Variants in DLG2 observed in about 807,000 individuals in gnomAD.
The protein encoded by DLG2 is discs large MAGUK scaffold protein 2, also known as disks large homolog 2.
DLG2 carries 45 observed loss-of-function variants against 132.5 expected under a neutral mutation model. The ratio of observed to expected loss-of-function variants is 0.34; its 90% CI spans 0.27 to 0.44. DLG2 has a LOEUF of 0.44. DLG2 is among the 20% of genes least tolerant of loss of function. The probability of loss-of-function intolerance (pLI) is 1.00; values close to 1 mark genes in which losing one functional copy is unlikely to be tolerated. For synonymous variants in DLG2, 424 were observed against 419.6 expected (o/e 1.01, Z -0.13); for missense variants, 1,045 against 1,196.9 (o/e 0.87, Z 1.87).
At chr11:84,600,087 A>G (rs563960280) in intron 6 of DLG2, among the ~76,000 whole-genome samples, 1 of 96,490 alleles carries the variant, frequency 1.0e-5, no homozygotes, top group African/African-American at 4.1e-5. Context: ...TGACACCTTG[A>G]AAAAAAAAAA....
At chr11:84,020,862 C>A (rs1309622741) in intron 11 of DLG2, among the ~76,000 whole-genome samples, 2 of 152,088 alleles carry the variant, frequency 1.3e-5, no homozygotes, top group African/African-American at 4.8e-5. Context: ...TTTTCAAAGC[C>A]TTAAAGTGCT....
intron 10 of DLG2, among the ~76,000 whole-genome samples, chr11:84,086,571 C>A (rs35275366): frequency 0.035 from 5,218 of 151,228 alleles, 137 homozygotes; most frequent in Non-Finnish European, 0.055. Context: ...CTCACTGCAG[C>A]CTTAACCTCC....
At chr11:85,442,501 T>A (rs972444246) in intron 3 of DLG2, among the ~76,000 whole-genome samples, 22 of 152,128 alleles carry the variant, frequency 1.4e-4, no homozygotes, top group African/African-American at 5.3e-4. Context: ...GAAACCTCGG[T>A]ATATGGTGGT....
At chr11:83,824,486 GA>G (rs1487295161) in intron 17 of DLG2, among the ~76,000 whole-genome samples, 1 of 152,058 alleles carries the variant, frequency 6.6e-6, no homozygotes, top group Non-Finnish European at 1.5e-5. Context: ...ATTTTAAGGT[GA>G]AAATTTACTT....
intron 6 of DLG2, among the ~76,000 whole-genome samples, chr11:85,026,918 A>G (rs893942493): frequency 1.3e-5 from 2 of 152,172 alleles, no homozygotes; most frequent in African/African-American, 4.8e-5. Context: ...AATTTGTTTT[A>G]CTGAAATATT....
intron 3 of DLG2, among the ~76,000 whole-genome samples, chr11:85,380,750 T>C (rs997192820): frequency 2.0e-5 from 3 of 152,200 alleles, no homozygotes; most frequent in Non-Finnish European, 4.4e-5. Flanking sequence ...AAATTGGATT[T>C]GCACATTGAA....
intron 3 of DLG2, among the ~76,000 whole-genome samples, chr11:85,370,494 A>C (rs1224752792): frequency 6.6e-6 from 1 of 152,200 alleles, no homozygotes; most frequent in Non-Finnish European, 1.5e-5. Context: ...TAAATTGAGC[A>C]CTCAAATAAA....
intron 6 of DLG2, among the ~76,000 whole-genome samples, chr11:85,079,674 C>A (rs564554624): frequency 6.6e-6 from 1 of 152,130 alleles, no homozygotes; most frequent in South Asian, 2.1e-4. Context: ...AGACCTATAG[C>A]TAATTTAAGT....
At chr11:84,412,385 T>TAC (rs2098911101) in intron 7 of DLG2, among the ~76,000 whole-genome samples, 1 of 151,910 alleles carries the variant, frequency 6.6e-6, no homozygotes. Context: ...GTGCAAGTTC[T>TAC]ACACTATTGA....
intron 15 of DLG2, among the ~76,000 whole-genome samples, chr11:83,885,510 C>A (rs1464990600): frequency 6.6e-6 from 1 of 152,202 alleles, no homozygotes; most frequent in East Asian, 1.9e-4. Flanking sequence ...TGGAATCAAG[C>A]TGGAAAACAC....
chr11:85,587,156 A>C (rs1023338712), intron 3 of DLG2, among the ~76,000 whole-genome samples: 2 of 152,186 alleles, frequency 1.3e-5, no homozygotes, highest in Non-Finnish European at 2.9e-5. Context: ...TGTGCTGATG[A>C]GTAGAATGTA....
At chr11:83,752,266 T>A (rs1476042449) in intron 18 of DLG2, among the ~76,000 whole-genome samples, 1 of 146,468 alleles carries the variant, frequency 6.8e-6, no homozygotes, top group Admixed American at 6.8e-5. Flanking sequence ...AGACTCTGTC[T>A]CAAAAGAAAA....
At chr11:83,732,746 G>T (rs1039891400) in intron 18 of DLG2, among the ~76,000 whole-genome samples, 1 of 152,186 alleles carries the variant, frequency 6.6e-6, no homozygotes, top group African/African-American at 2.4e-5. Flanking sequence ...TCTAAAGCTA[G>T]AATTCTAAAA....
intron 6 of DLG2, among the ~76,000 whole-genome samples, chr11:84,645,162 A>G (rs1308761653): frequency 6.6e-6 from 1 of 152,214 alleles, no homozygotes; most frequent in Non-Finnish European, 1.5e-5. Flanking sequence ...GAAGGGAGAC[A>G]GGCTTTGTTC....
intron 18 of DLG2, among the ~76,000 whole-genome samples, chr11:83,770,265 G>GTTTTTTTTTTTTTTTTTTTTTTTTTTTTT (rs71066064): frequency 1.6e-5 from 2 of 128,772 alleles, no homozygotes; most frequent in South Asian, 2.6e-4. Context: ...GTTTTTTTTT[G>GTTTTTTTTTTTTTTTTTTTTTTTTTTTTT]TTTTTTTGCT....
chr11:84,615,026 C>T (rs2099601465), intron 6 of DLG2, among the ~76,000 whole-genome samples: 1 of 152,036 alleles, frequency 6.6e-6, no homozygotes, highest in African/African-American at 2.4e-5. Flanking sequence ...AATTCCTCAG[C>T]CAAGCATTCA....
intron 18 of DLG2, among the ~76,000 whole-genome samples, chr11:83,703,359 T>A (rs1235768669): frequency 1.3e-5 from 2 of 152,126 alleles, no homozygotes. Context: ...CATAAAAATT[T>A]CAACAAACGG....
chr11:84,044,475 G>T lies in DLG2; in HGVS notation c.919+14840C>A, dbSNP rs1319394726. On this transcript the variant is annotated intron_variant, in intron 11 of 27. Coordinates refer to ENST00000376104, the MANE Select transcript of DLG2 (RefSeq NM_001142699.3). ...CACGCCAAGTTACAGTGGGAGTGGA[G>T]GTCTGGCTATTTTGTGTTCTCATCA... 2.0e-4 allele frequency among the ~76,000 whole-genome samples: 31 copies of T among 151,642 alleles called. No individual in the cohort carries two copies. The Admixed American group carries it at 2.0e-3, about 10-fold the overall frequency.
intron 4 of DLG2, among the ~76,000 whole-genome samples, chr11:85,188,130 T>A (rs2080259432): frequency 6.6e-6 from 1 of 152,138 alleles, no homozygotes; most frequent in Non-Finnish European, 1.5e-5. Context: ...GGCAATGGCT[T>A]GTAAACTACT....
Sources: gnomAD v4.1 joint callset for allele counts (sites outside exome capture counted in the v4.1 genomes callset) on GRCh38, gnomAD v4.1.1 for gene constraint, MANE v1.5 for transcripts, NCBI Gene and HGNC (gene_info 2026-07-23, HGNC 2026-07-21) for gene names.